The following DDX11 variants were observed in gnomAD, a reference collection of about 807,000 sequenced individuals.
DDX11 encodes DEAD/H-box helicase 11, also known as ATP-dependent DNA helicase DDX11.
In DDX11, 72 loss-of-function variants were observed where a neutral mutation model predicts 125.2. The ratio of observed to expected loss-of-function variants is 0.58; its 90% CI spans 0.48 to 0.70. The LOEUF is 0.70. Ranked by LOEUF, DDX11 falls within the 30% of genes least tolerant of loss-of-function variation. The pLI, the probability that DDX11 is intolerant of heterozygous loss-of-function variation, is 0.00. For missense variants in DDX11, 883 were observed against 1,165.0 expected, an observed-to-expected ratio of 0.76 and a Z score of 3.52; for synonymous variants, 347 against 452.6, an observed-to-expected ratio of 0.77 and a Z score of 2.96.
At position 31,096,663 on chromosome 12, in the gene DDX11, A is replaced by AG. The variant is rs1159812461; in HGVS notation, c.1549dup (p.Ala517GlyfsTer27). The AG allele has an allele frequency of 6.2e-7, 1 of 1,613,652 alleles. No homozygotes were observed. ...TCTTTGGATTCACTGAACGGTACGG[A>AG]GCAGTGTTCTCATCCCGGGAGCAGC... On this transcript the variant is annotated frameshift_variant, in exon 16 of 27. Transcript: ENST00000542838. LOFTEE classifies it high-confidence loss of function.
At chr12:31,092,938 C>T (rs761445526) in intron 11 of DDX11, 46 bp downstream of exon 11, 18 of 1,610,920 alleles carry the variant, frequency 1.1e-5, no homozygotes, top group East Asian at 4.5e-5. Flanking sequence ...CTTGGTGGCC[C>T]CCTGCGTGGG....
chr12:31,103,168 C>G (rs1444026847), intron 24 of DDX11, 148 bp downstream of exon 24: 1 of 1,331,252 alleles, frequency 7.5e-7, no homozygotes, highest in Non-Finnish European at 1.1e-6. Flanking sequence ...TCCACACCCT[C>G]TTGATCTTCC....
At chr12:31,077,312 G>A (rs1224374614) in intron 1 of DDX11, among the ~76,000 whole-genome samples, 5 of 152,106 alleles carry the variant, frequency 3.3e-5, no homozygotes, top group Non-Finnish European at 5.9e-5. Context: ...AAAAGATGAC[G>A]TCAACGTGGA....
rs1350240079 is a variant in DDX11 at position 31,102,300 on chromosome 12, A to T, written c.2260A>T (p.Arg754Trp). 2 of 1,614,126 alleles carry T rather than the reference A, an allele frequency of 1.2e-6. No homozygotes were observed. The change falls in exon 22 of 27, where the codon AGG (arginine) becomes TGG (tryptophan). Residue 754 changes from arginine (R) to tryptophan (W), a missense_variant. Arg to Trp is a moderately radical substitution (Grantham distance 101). Around this residue, in one of 5 missense-constraint regions of DDX11, gnomAD observed 285 missense variants for 346.0 expected, o/e 0.82. Transcript: ENST00000542838. ...GGAGCAGGTGCTGCTGGCATATTCCAGGTGCATCCAGGTGCGGGCGTCATG... is the reference window on the plus strand; with the variant it reads ...GGAGCAGGTGCTGCTGGCATATTCCTGGTGCATCCAGGTGCGGGCGTCATG... Reference protein sequence around the residue: ...QVEQVLLAYSRCIQACGQERG... With the variant: ...QVEQVLLAYSWCIQACGQERG...
intron 23 of DDX11, 196 bp from the exon 24 acceptor site, chr12:31,102,740 C>A: frequency 1.4e-6 from 1 of 716,700 alleles, no homozygotes; most frequent in Non-Finnish European, 2.5e-6. Context: ...GTATCAGGAC[C>A]CAGTCAATTG....
At chr12:31,102,820 T>A (rs1180345123) in intron 23 of DDX11, 116 bp from the exon 24 acceptor site, 4 of 886,174 alleles carry the variant, frequency 4.5e-6, no homozygotes, top group Non-Finnish European at 7.2e-6. Flanking sequence ...AGAGGCTGAG[T>A]TTTGATCACA....
intron 2 of DDX11, among the ~76,000 whole-genome samples, chr12:31,083,502 C>T (rs1247215094): frequency 1.3e-5 from 2 of 151,968 alleles, no homozygotes; most frequent in Admixed American, 6.6e-5. Flanking sequence ...TAATGTCTCC[C>T]CTTCTTCTAA....
At chr12:31,102,759 G>A (rs936876744) in intron 23 of DDX11, 177 bp from the exon 24 acceptor site, 4 of 738,314 alleles carry the variant, frequency 5.4e-6, no homozygotes, top group African/African-American at 1.7e-5. Flanking sequence ...TGGCCTAGAC[G>A]GGATCTCTCA....
In DDX11 at chr12:31,089,381, CTTT is replaced by C; in HGVS notation, c.793-21_793-19del. 1 of 1,613,626 alleles carries C rather than the reference CTTT, an allele frequency of 6.2e-7. No individual in the cohort carries two copies. Among genetic ancestry groups the C allele is most frequent in the South Asian group, 1.1e-5 (1 of 91,048 alleles). ...TTTAGCTGGCACCATCTTTTTGCCT[CTTT>C]CTTTCTCCTTTGCTGCAGAACCTTT... On this transcript the variant is annotated intron_variant, in intron 7 of 26. Transcript: ENST00000542838.
intron 2 of DDX11, among the ~76,000 whole-genome samples, chr12:31,079,048 C>T (rs1351073350): frequency 2.0e-5 from 3 of 152,128 alleles, no homozygotes; most frequent in African/African-American, 7.2e-5. Context: ...TGGTGCCTAC[C>T]TATTACGGTA....
At chr12:31,091,985 T>G in intron 10 of DDX11, 114 bp downstream of exon 10, 1 of 1,480,932 alleles carries the variant, frequency 6.8e-7, no homozygotes, top group East Asian at 2.3e-5. Context: ...TGATAGAGGG[T>G]GCACGAGTCA....
intron 3 of DDX11, 143 bp from the exon 4 acceptor site, chr12:31,084,440 G>A (rs1409133220): frequency 2.5e-6 from 2 of 804,936 alleles, no homozygotes; most frequent in East Asian, 5.3e-5. Context: ...GTCCCGGGAG[G>A]GGATGCGGCA....
At chr12:31,088,373 G>T (rs1457785521) in intron 6 of DDX11, among the ~76,000 whole-genome samples, 1 of 152,098 alleles carries the variant, frequency 6.6e-6, no homozygotes, top group Non-Finnish European at 1.5e-5. Flanking sequence ...AGCTGTTCTG[G>T]GCTGAAATCT....
At chr12:31,099,554 T>TG (rs1460589890) in intron 18 of DDX11, among the ~76,000 whole-genome samples, 1 of 150,164 alleles carries the variant, frequency 6.7e-6, no homozygotes, top group Non-Finnish European at 1.5e-5. Flanking sequence ...ACAATAGATC[T>TG]GATTGAAATT....
chr12:31,095,339 T>C (rs2140897210), intron 14 of DDX11, among the ~76,000 whole-genome samples: 1 of 152,310 alleles, frequency 6.6e-6, no homozygotes, highest in African/African-American at 2.4e-5. Flanking sequence ...GTAGGCGGCA[T>C]GCCATGTGCT....
chr12:31,080,266 C>T (rs1484369848), intron 2 of DDX11, among the ~76,000 whole-genome samples: 2 of 151,252 alleles, frequency 1.3e-5, no homozygotes, highest in Non-Finnish European at 2.9e-5. Flanking sequence ...AGCCCAATAG[C>T]CGGTCTTCCG....
chr12:31,094,260 C>T (rs962138359), intron 12 of DDX11: 1 of 365,926 alleles, frequency 2.7e-6, no homozygotes, highest in Non-Finnish European at 5.3e-6. Flanking sequence ...TCAGGCTCAC[C>T]AGTGGCCTGG....
intron 6 of DDX11, among the ~76,000 whole-genome samples, chr12:31,088,241 A>C (rs10771799): frequency 4.0e-5 from 6 of 151,522 alleles, no homozygotes; most frequent in African/African-American, 1.5e-4. Flanking sequence ...TTTCCTGGGA[A>C]CAGGGACCTG....
rs1194292162 is a variant in DDX11 at position 31,087,031 on chromosome 12, C to T, written c.639-907C>T. Among the ~76,000 whole-genome samples the T allele has an allele frequency of 6.8e-5, 10 of 147,212 alleles. No individual in the cohort carries two copies. In the Admixed American group the frequency reaches 6.9e-4, roughly 10 times the overall value. On this transcript the variant is annotated intron_variant, in intron 5 of 26. Transcript: ENST00000542838. ...AATGTTTTCTTTTTATGTGATGTTG[C>T]CATAGGTAGCGTGTGCCTGTCAGAT... is the stretch of plus-strand genomic sequence containing the variant.
Sources: gnomAD v4.1 joint callset for allele counts (sites outside exome capture counted in the v4.1 genomes callset) on GRCh38, gnomAD v4.1.1 for gene constraint, gnomAD v4.1.1 regional missense constraint, MANE v1.5 for transcripts, NCBI Gene and HGNC (gene_info 2026-07-23, HGNC 2026-07-21) for gene names.